The following MSRA variants were observed in gnomAD, a reference collection of about 807,000 sequenced individuals.
MSRA encodes the protein mitochondrial peptide methionine sulfoxide reductase.
Under a neutral mutation model 31.3 loss-of-function variants are expected in MSRA, and 54 were observed. The ratio of observed to expected loss-of-function variants is 1.73; its 90% CI spans 1.39 to 2.17. The LOEUF (loss-of-function observed/expected upper bound fraction) is 2.17. Ranked by LOEUF, MSRA falls within the 30% of genes most tolerant of loss-of-function variation. The pLI, the probability that MSRA is intolerant of heterozygous loss-of-function variation, is 0.00. For missense variants in MSRA, 507 were observed against 300.9 expected (o/e 1.69, Z -5.07); for synonymous variants, 169 against 116.5 (o/e 1.45, Z -2.90).
chr8:10,281,475 A>C (rs1177064778), intron 3 of MSRA, among the ~76,000 whole-genome samples: 3 of 152,228 alleles, frequency 2.0e-5, no homozygotes, highest in Non-Finnish European at 4.4e-5. Context: ...CAGCCTTGAC[A>C]ATGCGGCGGT....
intron 3 of MSRA, among the ~76,000 whole-genome samples, chr8:10,267,550 A>G (rs1212769664): frequency 1.3e-5 from 2 of 151,950 alleles, no homozygotes; most frequent in Non-Finnish European, 2.9e-5. Context: ...GGGCAAGTGG[A>G]TTTGTCCCGG....
At chr8:10,426,438 G>C (rs1204781831) in intron 5 of MSRA, among the ~76,000 whole-genome samples, 1 of 152,238 alleles carries the variant, frequency 6.6e-6, no homozygotes, top group Non-Finnish European at 1.5e-5. Flanking sequence ...GCATTCCACG[G>C]ACTCTCTGGA....
At chr8:10,291,174 C>T (rs1243539736) in intron 3 of MSRA, among the ~76,000 whole-genome samples, 1 of 152,156 alleles carries the variant, frequency 6.6e-6, no homozygotes, top group Admixed American at 6.5e-5. Flanking sequence ...GAAGACTTTT[C>T]TTGATCCAGT....
Position 10,054,485 on chromosome 8 carries a change from C to T in MSRA, c.-32C>T, listed in dbSNP as rs1261333319. On this transcript the variant is annotated 5_prime_UTR_variant, in exon 1 of 6. Coordinates refer to ENST00000317173, the MANE Select transcript of MSRA (RefSeq NM_012331.5). ...CGGCTCCGCTGCCGGTAGCGCCGTC[C>T]CCCGGGACCACCCTTCGGCTGGCGC... is the stretch of plus-strand genomic sequence containing the variant. The T allele has an allele frequency of 4.5e-6, 7 of 1,552,156 alleles. No homozygotes were observed. Among genetic ancestry groups the T allele is most frequent in the Admixed American group, 1.9e-5 (1 of 52,708 alleles).
chr8:10,419,582 G>A (rs1386044410), intron 5 of MSRA, among the ~76,000 whole-genome samples: 3 of 152,190 alleles, frequency 2.0e-5, no homozygotes, highest in Non-Finnish European at 1.5e-5. Context: ...GAGGGGCCCT[G>A]CAAACTCCTC....
intron 3 of MSRA, among the ~76,000 whole-genome samples, chr8:10,290,035 C>A (rs1800148793): frequency 6.6e-6 from 1 of 152,148 alleles, no homozygotes; most frequent in South Asian, 2.1e-4. Context: ...ATTAGTATGC[C>A]CATTTTATAG....
chr8:10,370,123 C>T (rs1805395075), intron 5 of MSRA, among the ~76,000 whole-genome samples: 1 of 152,204 alleles, frequency 6.6e-6, no homozygotes, highest in African/African-American at 2.4e-5. Flanking sequence ...TGTTTTGCAG[C>T]TGCAAAATGC....
chr8:10,403,741 G>A (rs535274371), intron 5 of MSRA, among the ~76,000 whole-genome samples: 1 of 152,248 alleles, frequency 6.6e-6, no homozygotes, highest in Non-Finnish European at 1.5e-5. Flanking sequence ...GGAAGATGTA[G>A]CAGCGATGCC....
chr8:10,112,750 G>A lies in MSRA; in HGVS notation c.142+58092G>A, dbSNP rs145322939. ...AGACCTATGGGAACATGATAGCCAT[G>A]GCTTTCTGAGCCCTGCAGGGGTGGG... On this transcript the variant is annotated intron_variant, in intron 1 of 5. Transcript: ENST00000317173. Among the ~76,000 whole-genome samples the A allele has an allele frequency of 7.4e-4, 112 of 152,276 alleles. 2 individuals are homozygous for A. The Middle Eastern group carries it at 0.017, about 23-fold the overall frequency.
intron 3 of MSRA, among the ~76,000 whole-genome samples, chr8:10,248,654 T>G (rs377338202): frequency 6.6e-6 from 1 of 152,178 alleles, no homozygotes; most frequent in Non-Finnish European, 1.5e-5. Context: ...ATGTGGAAAT[T>G]GATAGGCCAG....
At chr8:10,115,856 A>T (rs996637096) in intron 1 of MSRA, among the ~76,000 whole-genome samples, 17 of 152,358 alleles carry the variant, frequency 1.1e-4, no homozygotes, top group African/African-American at 3.1e-4. Flanking sequence ...ATTAATTAAT[A>T]AATAGAAAAC....
intron 3 of MSRA, among the ~76,000 whole-genome samples, chr8:10,274,031 C>A (rs545302882): frequency 1.1e-4 from 16 of 152,120 alleles, no homozygotes; most frequent in Non-Finnish European, 1.3e-4. Flanking sequence ...AAGGGAGAAG[C>A]CCCTTCTTCC....
chr8:10,191,743 C>T (rs531957087), intron 1 of MSRA, among the ~76,000 whole-genome samples: 27 of 151,100 alleles, frequency 1.8e-4, no homozygotes, highest in Admixed American at 1.5e-3. Context: ...TGGAAATTGG[C>T]ATTATAAAGA....
intron 4 of MSRA, among the ~76,000 whole-genome samples, chr8:10,310,746 G>T (rs1169571623): frequency 2.6e-5 from 4 of 152,178 alleles, no homozygotes. Flanking sequence ...CGGACTTCAG[G>T]GCTAAAATCG....
At chr8:10,361,894 G>C (rs1478909192) in intron 5 of MSRA, among the ~76,000 whole-genome samples, 4 of 151,938 alleles carry the variant, frequency 2.6e-5, no homozygotes, top group African/African-American at 7.3e-5. Context: ...TCTTAGTTTT[G>C]AACTTTTTCT....
At chr8:10,222,879 A>G (rs1810652391) in intron 2 of MSRA, among the ~76,000 whole-genome samples, 1 of 152,242 alleles carries the variant, frequency 6.6e-6, no homozygotes, top group Admixed American at 6.5e-5. Context: ...GGACCTGAAG[A>G]ATAAGTTCTG....
chr8:10,116,797 G>T (rs904266119), intron 1 of MSRA, among the ~76,000 whole-genome samples: 2 of 151,862 alleles, frequency 1.3e-5, no homozygotes, highest in Admixed American at 1.3e-4. Flanking sequence ...AAGAAGCCCC[G>T]TCTCTACTAA....
chr8:10,199,854 A>C (rs1808343349), intron 1 of MSRA, among the ~76,000 whole-genome samples: 1 of 152,032 alleles, frequency 6.6e-6, no homozygotes, highest in South Asian at 2.1e-4. Context: ...GGATCTGTGA[A>C]ATTTATCTTT....
chr8:10,353,320 A>C (rs1030470362), intron 5 of MSRA, among the ~76,000 whole-genome samples: 1 of 152,196 alleles, frequency 6.6e-6, no homozygotes, highest in Non-Finnish European at 1.5e-5. Context: ...TGTTTAGCGC[A>C]CTCACCAAAA....
Sources: allele counts gnomAD v4.1 joint callset (sites outside exome capture counted in the v4.1 genomes callset), GRCh38; gene constraint gnomAD v4.1.1; transcripts MANE v1.5; gene names NCBI Gene and HGNC (gene_info 2026-07-23, HGNC 2026-07-21).